SMOC2: variants seen among roughly 807,000 people sequenced by gnomAD.
The protein encoded by SMOC2 is SPARC related modular calcium binding 2, also known as SPARC-related modular calcium-binding protein 2.
Under a neutral mutation model 61.4 loss-of-function variants are expected in SMOC2, and 39 were observed. The observed-to-expected ratio is 0.64, with a 90% CI of 0.49 to 0.83. SMOC2 has a LOEUF of 0.83. Ranked by LOEUF, SMOC2 falls within the 40% of genes least tolerant of loss-of-function variation. SMOC2 has a pLI of 0.00. For missense variants in SMOC2, 556 were observed against 592.9 expected, an observed-to-expected ratio of 0.94 and a Z score of 0.65; for synonymous variants, 247 against 239.9, an observed-to-expected ratio of 1.03 and a Z score of -0.27.
intron 11 of SMOC2, among the ~76,000 whole-genome samples, chr6:168,653,834 G>A (rs112976069): frequency 3.0e-3 from 398 of 133,226 alleles, no homozygotes; most frequent in African/African-American, 0.011. Context: ...GCTCCAACCA[G>A]ATGTTAGGAA....
chr6:168,633,860 C>A (rs1315304892), intron 9 of SMOC2, among the ~76,000 whole-genome samples: 1 of 152,142 alleles, frequency 6.6e-6, no homozygotes, highest in East Asian at 1.9e-4. Flanking sequence ...CCCCATGTGT[C>A]GTGAGAGGGA....
At chr6:168,496,401 CAT>C (rs1782590994) in intron 1 of SMOC2, among the ~76,000 whole-genome samples, 1 of 152,230 alleles carries the variant, frequency 6.6e-6, no homozygotes, top group African/African-American at 2.4e-5. Flanking sequence ...GGACTCAACA[CAT>C]AGCAAATGAG....
chr6:168,566,495 T>A (rs1784543760), intron 7 of SMOC2, among the ~76,000 whole-genome samples: 1 of 138,186 alleles, frequency 7.2e-6, no homozygotes, highest in Non-Finnish European at 1.6e-5. Context: ...TTTTTTTTTT[T>A]TTTTTGAAAC....
intron 1 of SMOC2, among the ~76,000 whole-genome samples, chr6:168,487,952 GT>G (rs2115029415): frequency 6.6e-6 from 1 of 152,292 alleles, no homozygotes; most frequent in Admixed American, 6.5e-5. Flanking sequence ...GGAATTTTAT[GT>G]GACAGCATAG....
chr6:168,595,010 CGCCGA>C lies in SMOC2; in HGVS notation c.638-3805_638-3801del, dbSNP rs1562369042. Among the ~76,000 whole-genome samples, 113 of 34,236 alleles carry C rather than the reference CGCCGA, an allele frequency of 3.3e-3. 1 individual carries two copies. The highest frequency in any genetic ancestry group is 9.3e-3 in the African/African-American group (98 of 10,542). The allele number at this position is 34,236 out of a possible 152,430, so 22.5% of individuals were successfully genotyped here. A position where few individuals can be genotyped will look rare whatever the true frequency, so the allele number is the denominator to read the frequency against. ...CCTCACGGGCATCTTTCTAGAGGATCGCCGAGCTCCTCCTCCTTCCTGAGGCCTCA... is the reference window on the plus strand; with the variant it reads ...CCTCACGGGCATCTTTCTAGAGGATCGCTCCTCCTCCTTCCTGAGGCCTCA... On this transcript the variant is annotated intron_variant, in intron 7 of 12. Coordinates refer to ENST00000356284, the MANE Select transcript of SMOC2 (RefSeq NM_001166412.2).
intron 1 of SMOC2, among the ~76,000 whole-genome samples, chr6:168,478,530 G>C (rs983172144): frequency 1.3e-5 from 2 of 152,302 alleles, no homozygotes; most frequent in South Asian, 4.1e-4. Flanking sequence ...CTGAAACAAA[G>C]ATCTCCTTAT....
At chr6:168,655,316 C>G in intron 11 of SMOC2, 1 of 439,914 alleles carries the variant, frequency 2.3e-6, no homozygotes. Context: ...GTGGCCCAGA[C>G]CAGTTATTCC....
chr6:168,566,808 A>C (rs1413611053), intron 7 of SMOC2, among the ~76,000 whole-genome samples: 1 of 152,120 alleles, frequency 6.6e-6, no homozygotes, highest in Non-Finnish European at 1.5e-5. Flanking sequence ...CTATTGTAGC[A>C]CTTCTAATGC....
At chr6:168,492,192 A>G (rs1379942238) in intron 1 of SMOC2, among the ~76,000 whole-genome samples, 1 of 152,234 alleles carries the variant, frequency 6.6e-6, no homozygotes, top group East Asian at 1.9e-4. Flanking sequence ...CTAAATGAGA[A>G]AAGTCAGTTG....
rs188511986 is a variant in SMOC2 at position 168,597,952 on chromosome 6, C to G, written c.638-866C>G. On this transcript the variant is annotated intron_variant, in intron 7 of 12. Transcript: ENST00000356284. ...CATACATGTCTAAACAAAGGAGAAA[C>G]TGAGTTTATTAACAAAAAGAGACCA... Among the ~76,000 whole-genome samples, 76 of 152,352 alleles carry G rather than the reference C, an allele frequency of 5.0e-4. 1 individual carries two copies. Among genetic ancestry groups the G allele is most frequent in the African/African-American group, 1.8e-3 (74 of 41,584 alleles).
At chr6:168,500,263 G>A (rs1166053248) in intron 1 of SMOC2, among the ~76,000 whole-genome samples, 2 of 140,488 alleles carry the variant, frequency 1.4e-5, no homozygotes, top group African/African-American at 2.7e-5. Context: ...CTCCAGCCCG[G>A]ATGACAGAGT....
intron 7 of SMOC2, among the ~76,000 whole-genome samples, chr6:168,557,706 C>T (rs928328531): frequency 1.3e-5 from 2 of 152,118 alleles, no homozygotes; most frequent in African/African-American, 2.4e-5. Flanking sequence ...CTGATGTTGA[C>T]GTCACTAGTT....
At chr6:168,541,405 G>C (rs920784465) in intron 4 of SMOC2, among the ~76,000 whole-genome samples, 1 of 152,176 alleles carries the variant, frequency 6.6e-6, no homozygotes, top group Non-Finnish European at 1.5e-5. Flanking sequence ...TTTTCTGCAA[G>C]TACAGCCGGC....
chr6:168,657,454 C>T (rs1787354362), intron 11 of SMOC2, among the ~76,000 whole-genome samples: 1 of 152,224 alleles, frequency 6.6e-6, no homozygotes, highest in Admixed American at 6.5e-5. Context: ...GGATGGAAAA[C>T]CAAGGATGCC....
At chr6:168,624,527 C>CA (rs1345287804) in intron 9 of SMOC2, among the ~76,000 whole-genome samples, 2 of 148,480 alleles carry the variant, frequency 1.3e-5, no homozygotes, top group African/African-American at 4.9e-5. Flanking sequence ...GACAACAATA[C>CA]AGATTCACAC....
At chr6:168,635,911 C>G (rs1406040323) in intron 9 of SMOC2, among the ~76,000 whole-genome samples, 1 of 150,862 alleles carries the variant, frequency 6.6e-6, no homozygotes, top group Non-Finnish European at 1.5e-5. Flanking sequence ...AAATAGTTTT[C>G]TTGGTGAGAC....
intron 1 of SMOC2, among the ~76,000 whole-genome samples, chr6:168,443,078 A>G (rs996385541): frequency 6.6e-6 from 1 of 152,246 alleles, no homozygotes; most frequent in Non-Finnish European, 1.5e-5. Flanking sequence ...ACTAAGGCCA[A>G]TTCTCCAAAG....
At chr6:168,606,647 G>A (rs1785701117) in intron 8 of SMOC2, among the ~76,000 whole-genome samples, 1 of 152,194 alleles carries the variant, frequency 6.6e-6, no homozygotes, top group African/African-American at 2.4e-5. Flanking sequence ...GAAGTAAATA[G>A]GATCTTGTAG....
At chr6:168,454,170 C>T (rs1406202219) in intron 1 of SMOC2, among the ~76,000 whole-genome samples, 1 of 152,148 alleles carries the variant, frequency 6.6e-6, no homozygotes, top group East Asian at 1.9e-4. Context: ...CACTCTGTGT[C>T]CTCCTGTGAC....
Sources: allele counts gnomAD v4.1 joint callset (sites outside exome capture counted in the v4.1 genomes callset), GRCh38; gene constraint gnomAD v4.1.1; transcripts MANE v1.5; gene names NCBI Gene and HGNC (gene_info 2026-07-23, HGNC 2026-07-21).